The following EHBP1 variants were observed in gnomAD, a reference collection of about 807,000 sequenced individuals.
EHBP1 encodes EH domain-binding protein 1.
In EHBP1, 55 loss-of-function variants were observed where a neutral mutation model predicts 144.0. The observed-to-expected ratio is 0.38, with a 90% CI of 0.31 to 0.48. The LOEUF (loss-of-function observed/expected upper bound fraction) is 0.48. Ranked by LOEUF, EHBP1 falls within the 20% of genes least tolerant of loss-of-function variation. The pLI, the probability that EHBP1 is intolerant of heterozygous loss-of-function variation, is 0.98. For synonymous variants in EHBP1, 469 were observed against 472.7 expected (o/e 0.99, Z 0.10); for missense variants, 1,200 against 1,364.2 (o/e 0.88, Z 1.90).
chr2:63,025,993 T>C (rs1435120454), intron 19 of EHBP1, among the ~76,000 whole-genome samples: 1 of 152,104 alleles, frequency 6.6e-6, no homozygotes, highest in East Asian at 1.9e-4. Flanking sequence ...AGTTGATGGG[T>C]TTGGGTGCAT....
intron 5 of EHBP1, among the ~76,000 whole-genome samples, chr2:62,787,513 T>C (rs1178887740): frequency 6.6e-6 from 1 of 151,694 alleles, no homozygotes; most frequent in Non-Finnish European, 1.5e-5. Flanking sequence ...GTTTAGAGTA[T>C]TATAACCACT....
intron 14 of EHBP1, among the ~76,000 whole-genome samples, chr2:62,971,044 C>G (rs1315400912): frequency 6.6e-6 from 1 of 152,112 alleles, no homozygotes; most frequent in Non-Finnish European, 1.5e-5. Context: ...AGAGTTTGTC[C>G]TTAAATTGTC....
At chr2:62,896,681 T>TA (rs74529720) in intron 10 of EHBP1, among the ~76,000 whole-genome samples, 1,969 of 137,252 alleles carry the variant, frequency 0.014, 13 homozygotes, top group Non-Finnish European at 0.023. Flanking sequence ...AGCCCATCTT[T>TA]AAAAAAAAAA....
At chr2:62,820,124 T>A (rs2045796180) in intron 5 of EHBP1, among the ~76,000 whole-genome samples, 1 of 149,010 alleles carries the variant, frequency 6.7e-6, no homozygotes. Context: ...GGCAGGGGAA[T>A]CACTTGAGCC....
chr2:62,748,946 C>G (rs1406015195), intron 3 of EHBP1, among the ~76,000 whole-genome samples: 1 of 151,896 alleles, frequency 6.6e-6, no homozygotes, highest in Non-Finnish European at 1.5e-5. Context: ...GTATAATTAC[C>G]ACTTCTGTAA....
intron 10 of EHBP1, among the ~76,000 whole-genome samples, chr2:62,918,589 A>T (rs1172832316): frequency 6.6e-6 from 1 of 152,204 alleles, no homozygotes; most frequent in Non-Finnish European, 1.5e-5. Context: ...TGACATAACA[A>T]GGAAATTTTT....
intron 19 of EHBP1, among the ~76,000 whole-genome samples, chr2:63,035,216 C>T (rs1029755256): frequency 4.0e-5 from 6 of 151,884 alleles, no homozygotes; most frequent in Non-Finnish European, 7.4e-5. Context: ...TATGAGGTTA[C>T]GTATAGATGT....
At chr2:62,976,245 C>G (rs1479105281) in intron 14 of EHBP1, among the ~76,000 whole-genome samples, 1 of 152,100 alleles carries the variant, frequency 6.6e-6, no homozygotes, top group Non-Finnish European at 1.5e-5. Context: ...GAGCTTCAAG[C>G]TCGTCCCTGG....
At chr2:62,735,625 T>C (rs1440754730) in intron 2 of EHBP1, among the ~76,000 whole-genome samples, 1 of 152,236 alleles carries the variant, frequency 6.6e-6, no homozygotes, top group Non-Finnish European at 1.5e-5. Flanking sequence ...TTTGGTACTC[T>C]TCCTTATGTA....
chr2:62,920,840 G>T (rs1020092847), intron 10 of EHBP1, among the ~76,000 whole-genome samples: 1 of 151,696 alleles, frequency 6.6e-6, no homozygotes, highest in Non-Finnish European at 1.5e-5. Context: ...TTTTTGTGGG[G>T]TTTTTTTAAG....
At chr2:62,812,030 A>G (rs2045053617) in intron 5 of EHBP1, among the ~76,000 whole-genome samples, 1 of 152,132 alleles carries the variant, frequency 6.6e-6, no homozygotes, top group African/African-American at 2.4e-5. Context: ...TTATTATGGG[A>G]GTGGGTTCTG....
chr2:63,041,491 G>T (rs1166476142), intron 21 of EHBP1, among the ~76,000 whole-genome samples: 1 of 152,184 alleles, frequency 6.6e-6, no homozygotes, highest in African/African-American at 2.4e-5. Context: ...AGAGTTTGAA[G>T]TGGGCGCTCT....
chr2:62,880,780 A>C (rs1386879214), intron 10 of EHBP1, among the ~76,000 whole-genome samples: 1 of 152,178 alleles, frequency 6.6e-6, no homozygotes, highest in East Asian at 1.9e-4. Context: ...TGCAGAGAAA[A>C]GGGAATACTT....
chr2:62,980,184 G>A (rs928328779), intron 15 of EHBP1, among the ~76,000 whole-genome samples: 1 of 152,080 alleles, frequency 6.6e-6, no homozygotes, highest in African/African-American at 2.4e-5. Context: ...GTTTTTCCAC[G>A]GACCAGGAGG....
In EHBP1 at chr2:63,045,038, TGGGTAACTAGCCTCCC is replaced by T; in HGVS notation, c.3278-26_3278-11del. ...GCCGGGTGTTCGGAGGCCCTGCCGG[TGGGTAACTAGCCTCCC>T]GTCTTCTGCAGACTGGCAGAAGACC... On this transcript the variant is annotated splice_polypyrimidine_tract_variant and intron_variant, in intron 21 of 22. Coordinates refer to ENST00000431489, the MANE Select transcript of EHBP1 (RefSeq NM_001142616.3). The surrounding 1 kb of genome is among the most constrained non-coding windows in gnomAD (Gnocchi z 5.7). 1 of 1,508,294 alleles carries T rather than the reference TGGGTAACTAGCCTCCC, an allele frequency of 6.6e-7. No individual in the cohort carries two copies. The highest frequency in any genetic ancestry group is 9.0e-7 in the Non-Finnish European group (1 of 1,110,702). 93.4% of individuals were successfully genotyped at this position (1,508,294 alleles called of 1,614,324 possible).
At chr2:63,002,611 C>T (rs1385928558) in intron 19 of EHBP1, among the ~76,000 whole-genome samples, 1 of 151,770 alleles carries the variant, frequency 6.6e-6, no homozygotes, top group Non-Finnish European at 1.5e-5. Flanking sequence ...TCCTGAAATG[C>T]TATATATGAT....
At chr2:62,891,557 G>A (rs1377887446) in intron 10 of EHBP1, among the ~76,000 whole-genome samples, 1 of 152,042 alleles carries the variant, frequency 6.6e-6, no homozygotes, top group Non-Finnish European at 1.5e-5. Context: ...AAGAGTTTTG[G>A]ACATACTTTT....
chr2:62,854,444 T>C (rs1022331994), intron 7 of EHBP1, among the ~76,000 whole-genome samples: 4 of 152,252 alleles, frequency 2.6e-5, no homozygotes, highest in South Asian at 2.1e-4. Flanking sequence ...AACTTAATCA[T>C]TTCTAGCTTT....
intron 14 of EHBP1, among the ~76,000 whole-genome samples, chr2:62,957,158 T>G (rs1213026459): frequency 6.6e-6 from 1 of 152,198 alleles, no homozygotes; most frequent in East Asian, 1.9e-4. Flanking sequence ...ATGGTCAATT[T>G]GGATTTATTC....
Sources: allele counts gnomAD v4.1 joint callset (sites outside exome capture counted in the v4.1 genomes callset), GRCh38; gene constraint gnomAD v4.1.1; non-coding constraint Gnocchi (gnomAD v3.1); transcripts MANE v1.5; gene names NCBI Gene and HGNC (gene_info 2026-07-23, HGNC 2026-07-21).